Variants in CCBE1 observed in about 807,000 individuals in gnomAD.
CCBE1 encodes the protein collagen and calcium binding EGF domains 1, also known as collagen and calcium-binding EGF domain-containing protein 1.
A neutral mutation model predicts 50.0 loss-of-function variants in CCBE1; 37 were observed. The observed-to-expected ratio is 0.74, with a 90% CI of 0.57 to 0.97. The LOEUF (loss-of-function observed/expected upper bound fraction) is 0.97, where lower values mean the gene tolerates loss of function less well. Ranked by LOEUF, CCBE1 falls within the 50% of genes least tolerant of loss-of-function variation. The pLI is 0.00. For synonymous variants in CCBE1, 234 were observed against 203.7 expected, an observed-to-expected ratio of 1.15 and a Z score of -1.27; for missense variants, 538 against 523.8, an observed-to-expected ratio of 1.03 and a Z score of -0.26.
intron 2 of CCBE1, among the ~76,000 whole-genome samples, chr18:59,503,067 G>C (rs1416597657): frequency 6.6e-6 from 1 of 152,166 alleles, no homozygotes; most frequent in Non-Finnish European, 1.5e-5. Flanking sequence ...CTTCTTCCTG[G>C]GGGTGGGCCT....
At chr18:59,636,140 G>A (rs985058368) in intron 2 of CCBE1, among the ~76,000 whole-genome samples, 6 of 151,656 alleles carry the variant, frequency 4.0e-5, no homozygotes, top group African/African-American at 7.3e-5. Context: ...GCGACAGAGC[G>A]AGACTCTGTC....
At chr18:59,566,616 G>C (rs1238465510) in intron 2 of CCBE1, among the ~76,000 whole-genome samples, 1 of 152,182 alleles carries the variant, frequency 6.6e-6, no homozygotes, top group African/African-American at 2.4e-5. Flanking sequence ...GAACTGAGCT[G>C]TTCTGTTCTG....
At chr18:59,546,775 A>G (rs552356849) in intron 2 of CCBE1, among the ~76,000 whole-genome samples, 2 of 152,252 alleles carry the variant, frequency 1.3e-5, no homozygotes, top group East Asian at 1.9e-4. Context: ...ACATAGTCAA[A>G]TATGTTACTT....
chr18:59,508,840 C>T (rs1429786892), intron 2 of CCBE1, among the ~76,000 whole-genome samples: 3 of 151,368 alleles, frequency 2.0e-5, no homozygotes, highest in African/African-American at 7.3e-5. Context: ...CCTCAGCCTC[C>T]TGAGTAGCTG....
intron 2 of CCBE1, among the ~76,000 whole-genome samples, chr18:59,677,773 G>T (rs192787483): frequency 6.6e-6 from 1 of 152,210 alleles, no homozygotes; most frequent in Admixed American, 6.5e-5. Flanking sequence ...TCAATGCTCT[G>T]GGCCAAATGT....
intron 3 of CCBE1, among the ~76,000 whole-genome samples, chr18:59,473,714 A>G (rs75527547): frequency 1.2e-4 from 5 of 42,404 alleles, no homozygotes; most frequent in African/African-American, 2.8e-4. Flanking sequence ...CCCCCCTACT[A>G]CTCACCTTCC....
At chr18:59,625,929 C>CCTTT (rs908319263) in intron 2 of CCBE1, among the ~76,000 whole-genome samples, 5 of 152,152 alleles carry the variant, frequency 3.3e-5, no homozygotes, top group African/African-American at 1.2e-4. Flanking sequence ...CCTGCCCACA[C>CCTTT]CTTTATCTTG....
intron 5 of CCBE1, among the ~76,000 whole-genome samples, chr18:59,461,300 C>CTTT (rs11379671): frequency 1.2e-4 from 16 of 133,650 alleles, no homozygotes; most frequent in Non-Finnish European, 1.6e-4. Context: ...AGTGGAGGCA[C>CTTT]TTTTTTTTTT....
At chr18:59,593,386 T>C (rs2053303047) in intron 2 of CCBE1, among the ~76,000 whole-genome samples, 1 of 152,342 alleles carries the variant, frequency 6.6e-6, no homozygotes, top group African/African-American at 2.4e-5. Flanking sequence ...AGTTTTTATA[T>C]TAGCTTAAGA....
chr18:59,642,676 G>A (rs145402799), intron 2 of CCBE1, among the ~76,000 whole-genome samples: 19 of 152,290 alleles, frequency 1.2e-4, no homozygotes, highest in African/African-American at 3.6e-4. Flanking sequence ...TGGGCCGGGC[G>A]CGGTGGCTCA....
intron 2 of CCBE1, among the ~76,000 whole-genome samples, chr18:59,535,796 A>C (rs1915224406): frequency 6.6e-6 from 1 of 152,254 alleles, no homozygotes; most frequent in South Asian, 2.1e-4. Flanking sequence ...ATTTATTGCT[A>C]AGAAAAACGT....
chr18:59,539,705 C>T (rs12970223), intron 2 of CCBE1, among the ~76,000 whole-genome samples: 42,037 of 151,946 alleles, frequency 0.28, 5,960 homozygotes, highest in African/African-American at 0.33. Context: ...ACCTTATCTT[C>T]TGGTTCCTTA....
At position 59,696,683 on chromosome 18, in the gene CCBE1, G is replaced by T. The variant is rs1237677561; in HGVS notation, c.158C>A (p.Ala53Glu). 18 of 1,613,918 alleles carry T rather than the reference G, an allele frequency of 1.1e-5. No individual in the cohort carries two copies. The highest frequency in any genetic ancestry group is 1.5e-5 in the Non-Finnish European group (18 of 1,179,950). The change falls in exon 2 of 11, where the codon GCG becomes GAG. Residue 53 changes from alanine to glutamate, a missense_variant. By Grantham distance (107) the Ala-to-Glu change is moderately radical. Transcript: ENST00000439986. ...CTTCAGACACGGGTATTTAGTCGTC[G>T]CGATTTTGCTCTCTGAGCAGATTTC... is the stretch of plus-strand genomic sequence containing the variant. ...DREICSESKI[A>E]TTKYPCLKSS...
chr18:59,469,695 C>A (rs1466307077), intron 3 of CCBE1, 88 bp from the exon 4 acceptor site: 33 of 1,574,818 alleles, frequency 2.1e-5, no homozygotes, highest in Admixed American at 5.0e-5. Context: ...CTGGGCTGGG[C>A]TCTGCTCAAG....
At chr18:59,459,130 T>C (rs1266423204) in intron 5 of CCBE1, 1 of 152,236 alleles carries the variant, frequency 6.6e-6, no homozygotes, top group Admixed American at 6.5e-5. Flanking sequence ...TTAAGAGCTC[T>C]ATTCACAGTA....
intron 2 of CCBE1, among the ~76,000 whole-genome samples, chr18:59,591,925 C>G (rs532691711): frequency 6.6e-6 from 1 of 152,230 alleles, no homozygotes; most frequent in East Asian, 1.9e-4. Flanking sequence ...CTCCTTAAAC[C>G]AAAAATGCAA....
At chr18:59,455,337 T>TC (rs1911140695) in intron 5 of CCBE1, 1 of 347,300 alleles carries the variant, frequency 2.9e-6, no homozygotes, top group African/African-American at 2.1e-5. Context: ...CTGTAAATAT[T>TC]CCCCAAGTGC....
rs137931141 is a variant in CCBE1, at chr18:59,579,376, C to T, written c.213-99138G>A. On this transcript the variant is annotated intron_variant, in intron 2 of 10. Coordinates refer to ENST00000439986, the MANE Select transcript of CCBE1 (RefSeq NM_133459.4). ...ACAGCTATTCTCAATCTCAGCTGAC[C>T]ACTAGAATCACATGGGGATCTTTAA... Among the ~76,000 whole-genome samples, 922 of 151,250 alleles carry T rather than the reference C, an allele frequency of 6.1e-3. 11 individuals are homozygous for T. Among genetic ancestry groups the T allele is most frequent in the African/African-American group, 0.021 (869 of 40,906 alleles).
intron 2 of CCBE1, among the ~76,000 whole-genome samples, chr18:59,660,786 G>A (rs1239411586): frequency 2.0e-5 from 3 of 152,130 alleles, no homozygotes; most frequent in Non-Finnish European, 4.4e-5. Flanking sequence ...CTTAGAAAAT[G>A]TGATTCACGG....
Sources: allele counts gnomAD v4.1 joint callset (sites outside exome capture counted in the v4.1 genomes callset), GRCh38; gene constraint gnomAD v4.1.1; transcripts MANE v1.5; gene names NCBI Gene and HGNC (gene_info 2026-07-23, HGNC 2026-07-21).